The following RANBP2 variants were observed in gnomAD, a reference collection of about 807,000 sequenced individuals.
The protein encoded by RANBP2 is E3 SUMO-protein ligase RanBP2.
In RANBP2, 57 loss-of-function variants were observed where a neutral mutation model predicts 303.6. The observed-to-expected ratio is 0.19, with a 90% CI of 0.15 to 0.23. RANBP2 has a LOEUF of 0.23. RANBP2 is among the 10% of genes least tolerant of loss of function. RANBP2 has a pLI of 1.00. For missense variants in RANBP2, 3,138 were observed against 3,780.8 expected (o/e 0.83, Z 4.46); for synonymous variants, 1,167 against 1,301.5 (o/e 0.90, Z 2.23).
At chr2:109,381,173 C>G in the RANBP2 span, among the ~76,000 whole-genome samples, 1 of 152,228 alleles carries the variant, frequency 6.6e-6, no homozygotes, top group Non-Finnish European at 1.5e-5. Context: ...CTACTCAGGA[C>G]TGGAAGTGTG....
the RANBP2 span, chr2:109,585,626 AT>A: frequency 1.1e-6 from 1 of 892,428 alleles, no homozygotes; most frequent in African/African-American, 1.7e-5. Context: ...ATGATTTCAA[AT>A]TGATAACATG....
At chr2:109,229,856 G>A in the RANBP2 span, among the ~76,000 whole-genome samples, 7 of 136,072 alleles carry the variant, frequency 5.1e-5, no homozygotes, top group South Asian at 2.2e-4. Flanking sequence ...GCGGAGTCTC[G>A]CTCTGTTGCC....
chr2:109,149,298 T>C, the RANBP2 span, among the ~76,000 whole-genome samples: 2 of 152,210 alleles, frequency 1.3e-5, no homozygotes, highest in Non-Finnish European at 2.9e-5. Flanking sequence ...ATCCATTGGC[T>C]TAGAGCTGAG....
At chr2:109,603,490 C>T in the RANBP2 span, among the ~76,000 whole-genome samples, 4 of 152,092 alleles carry the variant, frequency 2.6e-5, no homozygotes, top group Non-Finnish European at 4.4e-5. Flanking sequence ...CCGCCTGCCT[C>T]AGCCTCCCAA....
At chr2:109,428,590 G>A in the RANBP2 span, among the ~76,000 whole-genome samples, 54 of 152,362 alleles carry the variant, frequency 3.5e-4, no homozygotes, top group African/African-American at 1.3e-3. Context: ...TCAGCAACCT[G>A]CCCTCAAGAG....
the RANBP2 span, among the ~76,000 whole-genome samples, chr2:109,119,005 T>C: frequency 6.6e-6 from 1 of 152,168 alleles, no homozygotes; most frequent in Non-Finnish European, 1.5e-5. Flanking sequence ...ACTCTGCGAT[T>C]CTATAACGGA....
the RANBP2 span, among the ~76,000 whole-genome samples, chr2:109,019,452 G>A: frequency 6.6e-6 from 1 of 152,198 alleles, no homozygotes; most frequent in Non-Finnish European, 1.5e-5. Flanking sequence ...AAGTGCCACT[G>A]AACATTCTGA....
Position 108,754,916 on chromosome 2 carries a change from C to T in RANBP2, c.2214C>T (p.Pro738=). ...TCTTTTATTTTTAGTTGCCTGTGCC[C>T]CTGGAGTCTGTAAAAGAGATGCTTA... is the stretch of plus-strand genomic sequence containing the variant. ...NLSVVKKLPV[P]LESVKEMLNS... is the part of the protein sequence containing the mutation. Residue 738 remains proline (P), a synonymous_variant, in exon 16 of 29, where the codon CCC becomes CCT. Coordinates refer to ENST00000283195, the MANE Select transcript of RANBP2 (RefSeq NM_006267.5). The T allele has an allele frequency of 6.2e-7, 1 of 1,611,604 alleles. No individual in the cohort carries two copies. Among genetic ancestry groups the T allele is most frequent in the South Asian group, 1.1e-5 (1 of 90,968 alleles).
chr2:109,677,879 G>A, the RANBP2 span, among the ~76,000 whole-genome samples: 3 of 152,260 alleles, frequency 2.0e-5, no homozygotes, highest in African/African-American at 7.2e-5. Flanking sequence ...GCTGAAGGCA[G>A]AGACCTCAAC....
chr2:108,948,722 CA>C, the RANBP2 span, among the ~76,000 whole-genome samples: 1 of 152,190 alleles, frequency 6.6e-6, no homozygotes, highest in African/African-American at 2.4e-5. Flanking sequence ...AAACTGCTCC[CA>C]TGATCCAACC....
chr2:108,938,278 G>A, the RANBP2 span, among the ~76,000 whole-genome samples: 2,280 of 152,266 alleles, frequency 0.015, 29 homozygotes, highest in South Asian at 0.03. Context: ...GTAAACAGTC[G>A]TGGCCTAAAA....
chr2:109,139,843 G>T, the RANBP2 span, among the ~76,000 whole-genome samples: 1 of 152,196 alleles, frequency 6.6e-6, no homozygotes, highest in Admixed American at 6.5e-5. Context: ...TGTGTCCATT[G>T]CTTGGCAGTT....
chr2:108,978,246 G>C, the RANBP2 span, among the ~76,000 whole-genome samples: 3 of 152,176 alleles, frequency 2.0e-5, no homozygotes, highest in African/African-American at 7.2e-5. Flanking sequence ...AGCAGAAAAG[G>C]ATCCAGGCAG....
chr2:108,794,811 T>G, the RANBP2 span: 1 of 993,122 alleles, frequency 1.0e-6, no homozygotes, highest in Non-Finnish European at 1.5e-6. Flanking sequence ...ATATTTCATT[T>G]TAATTACTTT....
the RANBP2 span, among the ~76,000 whole-genome samples, chr2:109,260,032 T>A: frequency 1.9e-4 from 29 of 152,184 alleles, no homozygotes; most frequent in Non-Finnish European, 4.1e-4. Flanking sequence ...GTAATTGTAA[T>A]TTTTTTGGTG....
chr2:109,689,182 C>T, the RANBP2 span, among the ~76,000 whole-genome samples: 3 of 152,144 alleles, frequency 2.0e-5, no homozygotes, highest in Non-Finnish European at 2.9e-5. Flanking sequence ...GCTGAGATTA[C>T]AGGCGTGAGC....
At chr2:109,072,417 T>A in the RANBP2 span, among the ~76,000 whole-genome samples, 6 of 152,160 alleles carry the variant, frequency 3.9e-5, no homozygotes, top group Admixed American at 3.9e-4. Flanking sequence ...GAGTCCTGGA[T>A]ACTTAGGGCA....
the RANBP2 span, among the ~76,000 whole-genome samples, chr2:109,433,415 C>T: frequency 6.6e-6 from 1 of 152,280 alleles, no homozygotes; most frequent in South Asian, 2.1e-4. Context: ...ACTGAAGAGA[C>T]AAGGGGGTTG....
chr2:108,856,777 A>T, the RANBP2 span: 2 of 1,609,614 alleles, frequency 1.2e-6, no homozygotes, highest in Non-Finnish European at 1.7e-6. Flanking sequence ...AGTTGATTGT[A>T]CATAACTATT....
Sources: gnomAD v4.1 joint callset for allele counts (sites outside exome capture counted in the v4.1 genomes callset) on GRCh38, gnomAD v4.1.1 for gene constraint, MANE v1.5 for transcripts, NCBI Gene and HGNC (gene_info 2026-07-23, HGNC 2026-07-21) for gene names.